Variants in AP3B1 observed in about 807,000 individuals in gnomAD.
AP3B1 encodes adaptor related protein complex 3 subunit beta 1, also known as AP-3 complex subunit beta-1.
Under a neutral mutation model 132.5 loss-of-function variants are expected in AP3B1, and 61 were observed. The observed-to-expected ratio is 0.46, with a 90% CI of 0.37 to 0.57. AP3B1 has a LOEUF of 0.57. Ranked by LOEUF, AP3B1 falls within the 20% of genes least tolerant of loss-of-function variation. The probability of loss-of-function intolerance (pLI) is 0.00; values close to 1 mark genes in which losing one functional copy is unlikely to be tolerated. For synonymous variants in AP3B1, 388 were observed against 438.3 expected, an observed-to-expected ratio of 0.89 and a Z score of 1.43; for missense variants, 1,120 against 1,289.4, an observed-to-expected ratio of 0.87 and a Z score of 2.01.
intron 1 of AP3B1, among the ~76,000 whole-genome samples, chr5:78,280,462 C>A (rs1404794674): frequency 3.9e-5 from 6 of 152,180 alleles, no homozygotes; most frequent in Admixed American, 2.6e-4. Flanking sequence ...TGGCTCACTG[C>A]TATTGGCATG....
intron 1 of AP3B1, among the ~76,000 whole-genome samples, chr5:78,293,526 GTTTAA>G (rs1198220969): frequency 6.6e-6 from 1 of 152,102 alleles, no homozygotes; most frequent in Non-Finnish European, 1.5e-5. Context: ...TGTTAGTAAC[GTTTAA>G]TTTAAATTTT....
chr5:78,211,549 C>A (rs753948866), intron 7 of AP3B1, among the ~76,000 whole-genome samples: 2 of 152,144 alleles, frequency 1.3e-5, no homozygotes, highest in Non-Finnish European at 2.9e-5. Context: ...AGTGTATCTA[C>A]GAATTTTCGA....
chr5:78,101,697 A>G lies in AP3B1; in HGVS notation c.2398-672T>C, dbSNP rs562940308. 6.6e-5 allele frequency among the ~76,000 whole-genome samples: 10 copies of G among 152,192 alleles called. No individual in the cohort carries two copies. In the South Asian group the frequency reaches 1.0e-3, roughly 16 times the overall value. On this transcript the variant is annotated intron_variant, in intron 20 of 26. Coordinates refer to ENST00000255194, the MANE Select transcript of AP3B1 (RefSeq NM_003664.5). ...CAGCAGAGATTTGCTTATTCGGTCT[A>G]CTGTACTTACAAAATGTATATATCC...
intron 15 of AP3B1, among the ~76,000 whole-genome samples, chr5:78,131,122 A>C (rs1752669036): frequency 6.6e-6 from 1 of 151,936 alleles, no homozygotes; most frequent in Admixed American, 6.6e-5. Flanking sequence ...ATTTGTGTAC[A>C]ATGATGCACT....
chr5:78,187,515 A>T (rs1434651246), intron 7 of AP3B1, among the ~76,000 whole-genome samples: 1 of 152,150 alleles, frequency 6.6e-6, no homozygotes, highest in East Asian at 1.9e-4. Flanking sequence ...TTTGCTGTAC[A>T]AATGTTTAAG....
chr5:78,118,173 T>C (rs1751946416), intron 17 of AP3B1, among the ~76,000 whole-genome samples: 1 of 152,186 alleles, frequency 6.6e-6, no homozygotes, highest in African/African-American at 2.4e-5. Context: ...TTTGACCTAG[T>C]TTTGTTTTAT....
chr5:78,181,613 T>A lies in AP3B1; in HGVS notation c.836A>T (p.Asp279Val), dbSNP rs1744372518. The part of the protein sequence containing the change: ...NGKNFYESDD[D>V]QKEKTDKKKK... ...CTTTTTGTCAGTCTTTTCCTTCTGA[T>A]CATCATCAGATTCGTAGAAATTCTT... Residue 279 changes from aspartate (D) to valine (V), a missense_variant, in exon 8 of 27, where the codon GAT becomes GTT. By Grantham distance (152) the Asp-to-Val change is radical. This residue lies in a region of AP3B1 where 906 missense variants were observed against 997.1 expected (regional missense o/e 0.91). Transcript: ENST00000255194. 1 of 1,612,440 alleles carries A rather than the reference T, an allele frequency of 6.2e-7. No homozygotes were observed. Among genetic ancestry groups the A allele is most frequent in the South Asian group, 1.1e-5 (1 of 90,796 alleles).
At chr5:78,046,199 C>T (rs142480621) in intron 22 of AP3B1, among the ~76,000 whole-genome samples, 36 of 152,306 alleles carry the variant, frequency 2.4e-4, no homozygotes, top group African/African-American at 8.4e-4. Flanking sequence ...GTCAGGAATC[C>T]GGCCGCACAG....
intron 1 of AP3B1, among the ~76,000 whole-genome samples, chr5:78,288,927 AT>A (rs1183150621): frequency 1.3e-5 from 2 of 149,178 alleles, no homozygotes; most frequent in Non-Finnish European, 3.0e-5. Flanking sequence ...CAACTAGACC[AT>A]GAAAAAATGT....
At chr5:78,204,269 G>A (rs530192204) in intron 7 of AP3B1, among the ~76,000 whole-genome samples, 12 of 152,196 alleles carry the variant, frequency 7.9e-5, no homozygotes, top group South Asian at 2.1e-4. Context: ...GTTTACAGTC[G>A]TTTCTAAGCT....
intron 24 of AP3B1, among the ~76,000 whole-genome samples, chr5:78,031,216 T>C (rs1300468136): frequency 6.6e-6 from 1 of 152,198 alleles, no homozygotes; most frequent in Non-Finnish European, 1.5e-5. Flanking sequence ...ATCATTACTA[T>C]GGGTCTCCTC....
intron 22 of AP3B1, chr5:78,043,616 G>A: frequency 2.1e-6 from 1 of 483,440 alleles, no homozygotes; most frequent in African/African-American, 2.0e-5. Flanking sequence ...GGTCACTTTG[G>A]TACCCCTGCC....
At chr5:78,136,330 G>C (rs566575585) in intron 15 of AP3B1, among the ~76,000 whole-genome samples, 1 of 152,248 alleles carries the variant, frequency 6.6e-6, no homozygotes, top group East Asian at 1.9e-4. Context: ...TCTAATGCTT[G>C]TTTTGAAAAT....
intron 22 of AP3B1, among the ~76,000 whole-genome samples, chr5:78,056,323 C>A (rs1171245271): frequency 5.3e-5 from 8 of 152,130 alleles, no homozygotes; most frequent in African/African-American, 1.9e-4. Flanking sequence ...TCATACATAT[C>A]CTGTCTGTTT....
chr5:78,119,204 A>G (rs571950460), intron 17 of AP3B1, among the ~76,000 whole-genome samples: 54 of 152,274 alleles, frequency 3.5e-4, no homozygotes, highest in African/African-American at 1.3e-3. Flanking sequence ...CACCATCATC[A>G]AAGATCAAAA....
chr5:78,188,499 T>C (rs2112427926), intron 7 of AP3B1, among the ~76,000 whole-genome samples: 1 of 152,330 alleles, frequency 6.6e-6, no homozygotes, highest in East Asian at 1.9e-4. Context: ...TCTCTGATCA[T>C]TAGAGAAATG....
At chr5:78,076,429 G>C (rs1229618610) in intron 22 of AP3B1, among the ~76,000 whole-genome samples, 1 of 152,122 alleles carries the variant, frequency 6.6e-6, no homozygotes, top group African/African-American at 2.4e-5. Flanking sequence ...CTTGAGGGGC[G>C]ACCTCTAAAC....
intron 22 of AP3B1, among the ~76,000 whole-genome samples, chr5:78,078,579 A>T (rs1749857655): frequency 6.6e-6 from 1 of 152,140 alleles, no homozygotes; most frequent in Non-Finnish European, 1.5e-5. Context: ...TGAAATACGC[A>T]TCTCCTCTTC....
chr5:78,181,538 G>A lies in AP3B1; in HGVS notation c.911C>T (p.Thr304Ile), dbSNP rs201075567. 26 of 1,613,044 alleles carry A rather than the reference G, an allele frequency of 1.6e-5. No homozygotes were observed. The East Asian group carries it at 4.2e-4, about 26-fold the overall frequency. ...DPDHRLLIRN[T>I]KPLLQSRNAA... ...ATTCCTGCTCTGAAGCAAAGGCTTTGTATTTCTAATTAAGAGTCTATGATC... is the reference window on the plus strand; with the variant it reads ...ATTCCTGCTCTGAAGCAAAGGCTTTATATTTCTAATTAAGAGTCTATGATC... Residue 304 changes from threonine (T) to isoleucine (I), a missense_variant, in exon 8 of 27, where the codon ACA becomes ATA. Coordinates refer to ENST00000255194, the MANE Select transcript of AP3B1 (RefSeq NM_003664.5).
Sources: gnomAD v4.1 joint callset for allele counts (sites outside exome capture counted in the v4.1 genomes callset) on GRCh38, gnomAD v4.1.1 for gene constraint, gnomAD v4.1.1 regional missense constraint, MANE v1.5 for transcripts, NCBI Gene and HGNC (gene_info 2026-07-23, HGNC 2026-07-21) for gene names.